GRID1: variants seen among roughly 807,000 people sequenced by gnomAD.
GRID1 encodes glutamate receptor ionotropic, delta-1.
A neutral mutation model predicts 98.0 loss-of-function variants in GRID1; 28 were observed. The observed-to-expected ratio is 0.29, with a 90% confidence interval of 0.21 to 0.39. The LOEUF (loss-of-function observed/expected upper bound fraction) is 0.39, where lower values mean the gene tolerates loss of function less well. GRID1 is among the 10% of genes least tolerant of loss of function. GRID1 has a pLI of 1.00. For missense variants in GRID1, 1,111 were observed against 1,340.5 expected, an observed-to-expected ratio of 0.83 and a Z score of 2.67; for synonymous variants, 553 against 538.5, an observed-to-expected ratio of 1.03 and a Z score of -0.37.
Position 85,624,391 on chromosome 10 carries a change from G to A in GRID1, c.2194-4358C>T, listed in dbSNP as rs558848255. Among the ~76,000 whole-genome samples, 68 of 152,246 alleles carry A rather than the reference G, an allele frequency of 4.5e-4. 1 individual carries two copies. The highest frequency in any genetic ancestry group is 3.1e-3 in the South Asian group (15 of 4,814). On this transcript the variant is annotated intron_variant, in intron 13 of 15. Transcript: ENST00000327946. ...ATAAGGCTGGTGGAAACTTAGGCTG[G>A]AGACAAGGCTGTGGATACAGCCAAG...
chr10:85,833,382 C>T (rs962668713), intron 8 of GRID1, among the ~76,000 whole-genome samples: 1 of 152,086 alleles, frequency 6.6e-6, no homozygotes, highest in Non-Finnish European at 1.5e-5. Context: ...AGAGGAAGCC[C>T]CAACAGCACC....
chr10:86,024,623 C>A (rs572397553), intron 4 of GRID1, among the ~76,000 whole-genome samples: 11 of 152,326 alleles, frequency 7.2e-5, no homozygotes, highest in Middle Eastern at 3.4e-3. Flanking sequence ...GGGCTCCCCC[C>A]AAAAGTTAGT....
intron 13 of GRID1, among the ~76,000 whole-genome samples, chr10:85,623,280 C>T (rs1172965092): frequency 6.6e-6 from 1 of 152,166 alleles, no homozygotes; most frequent in African/African-American, 2.4e-5. Context: ...CTTCTTAGGT[C>T]TGACCATACT....
intron 12 of GRID1, among the ~76,000 whole-genome samples, chr10:85,692,431 G>T (rs1307397673): frequency 6.6e-6 from 1 of 152,178 alleles, no homozygotes; most frequent in Non-Finnish European, 1.5e-5. Flanking sequence ...GGAGGCTGAG[G>T]TGGGTGGATT....
chr10:85,990,190 TA>T (rs1213287882), intron 4 of GRID1, among the ~76,000 whole-genome samples: 2 of 152,220 alleles, frequency 1.3e-5, no homozygotes, highest in African/African-American at 4.8e-5. Flanking sequence ...CACATTGCCT[TA>T]GAAGGAACCC....
chr10:86,300,188 G>A lies in GRID1; in HGVS notation c.235+63753C>T, dbSNP rs898272721. ...GCATCTACAAGCCAAAGAAAGCTAC[G>A]GCACACCAGAAGCCACAGAAGCTAC... On this transcript the variant is annotated intron_variant, in intron 2 of 15. Transcript: ENST00000327946. 3.3e-5 allele frequency among the ~76,000 whole-genome samples: 5 copies of A among 151,870 alleles called. 1 individual carries two copies. Among genetic ancestry groups the A allele is most frequent in the African/African-American group, 9.7e-5 (4 of 41,324 alleles).
intron 4 of GRID1, among the ~76,000 whole-genome samples, chr10:86,110,980 T>C (rs1844472686): frequency 6.6e-6 from 1 of 152,172 alleles, no homozygotes; most frequent in Non-Finnish European, 1.5e-5. Context: ...TAATGCTGCA[T>C]AACAAACAAC....
chr10:86,170,330 T>C (rs1185243737), intron 3 of GRID1, among the ~76,000 whole-genome samples: 1 of 152,208 alleles, frequency 6.6e-6, no homozygotes, highest in East Asian at 1.9e-4. Flanking sequence ...TCGCCCACCA[T>C]CTGTATGTCC....
At chr10:86,319,753 G>A (rs1257926667) in intron 2 of GRID1, among the ~76,000 whole-genome samples, 1 of 152,258 alleles carries the variant, frequency 6.6e-6, no homozygotes, top group Admixed American at 6.5e-5. Context: ...GGAGCGTGGT[G>A]AAAGCACTGC....
chr10:86,029,797 G>T (rs1240358074), intron 4 of GRID1, among the ~76,000 whole-genome samples: 1 of 152,004 alleles, frequency 6.6e-6, no homozygotes, highest in African/African-American at 2.4e-5. Flanking sequence ...TGCAAATTCT[G>T]CCAGGTAATG....
intron 12 of GRID1, among the ~76,000 whole-genome samples, chr10:85,671,062 T>C (rs1274894125): frequency 6.6e-6 from 1 of 152,192 alleles, no homozygotes; most frequent in Non-Finnish European, 1.5e-5. Flanking sequence ...CCCCCAAATA[T>C]AAAGTCTTAG....
At chr10:85,901,227 T>TTTATTTATTTATTTA (rs780383598) in intron 5 of GRID1, among the ~76,000 whole-genome samples, 6 of 146,338 alleles carry the variant, frequency 4.1e-5, no homozygotes, top group African/African-American at 1.3e-4. Flanking sequence ...TTTTATTTTA[T>TTTATTTATTTATTTA]TTTATTTATT....
chr10:86,244,447 C>T (rs1409340462), intron 2 of GRID1, among the ~76,000 whole-genome samples: 1 of 152,242 alleles, frequency 6.6e-6, no homozygotes, highest in Admixed American at 6.5e-5. Flanking sequence ...ATTTCTCTAA[C>T]TATTACAGAT....
At position 85,724,398 on chromosome 10, in the gene GRID1, A is replaced by T; in HGVS notation, c.1812T>A (p.Thr604=). Residue 604 remains threonine (T), a synonymous_variant, in exon 11 of 16, where the codon ACT becomes ACA. Transcript: ENST00000327946. ...AGACAATCCAGATGGCGCTGTGCAG[A>T]GTGGCAGAAGCTGACGGCCTGGGCT... ...AAQPRPSASA[T]LHSAIWIVYG... 2 of 1,614,154 alleles carry T rather than the reference A, an allele frequency of 1.2e-6. No individual in the cohort carries two copies. The highest frequency in any genetic ancestry group is 1.7e-6 in the Non-Finnish European group (2 of 1,180,012).
chr10:86,104,279 A>G (rs1306424293), intron 4 of GRID1, among the ~76,000 whole-genome samples: 2 of 152,122 alleles, frequency 1.3e-5, no homozygotes, highest in African/African-American at 2.4e-5. Context: ...CCCAGACCCA[A>G]CCACGCCTGC....
At chr10:85,681,627 C>T (rs1841209837) in intron 12 of GRID1, among the ~76,000 whole-genome samples, 1 of 152,100 alleles carries the variant, frequency 6.6e-6, no homozygotes, top group African/African-American at 2.4e-5. Context: ...CTAAATCTTG[C>T]ACCTTCTTCA....
intron 3 of GRID1, among the ~76,000 whole-genome samples, chr10:86,172,935 C>T (rs1296732105): frequency 1.3e-5 from 2 of 152,216 alleles, no homozygotes. Flanking sequence ...TTACCACCTA[C>T]ACCTCACCCA....
chr10:86,138,492 AAG>A (rs1465766616), intron 4 of GRID1, among the ~76,000 whole-genome samples: 4 of 152,098 alleles, frequency 2.6e-5, no homozygotes, highest in African/African-American at 9.7e-5. Flanking sequence ...CCTGTCAACA[AAG>A]AGAGGAAAAT....
intron 2 of GRID1, among the ~76,000 whole-genome samples, chr10:86,309,409 T>C (rs1847802259): frequency 2.0e-5 from 3 of 152,202 alleles, no homozygotes; most frequent in Admixed American, 6.5e-5. Context: ...ACTGGCATAG[T>C]TTGCAGGGAG....
Sources: gnomAD v4.1 joint callset for allele counts (sites outside exome capture counted in the v4.1 genomes callset) on GRCh38, gnomAD v4.1.1 for gene constraint, MANE v1.5 for transcripts, NCBI Gene and HGNC (gene_info 2026-07-23, HGNC 2026-07-21) for gene names.